Variants in CEP112 observed in about 807,000 individuals in gnomAD.
CEP112 encodes the protein centrosomal protein 112, also known as centrosomal protein of 112 kDa.
CEP112 carries 127 observed loss-of-function variants against 153.0 expected under a neutral mutation model. The observed-to-expected ratio is 0.83, with a 90% confidence interval of 0.72 to 0.96. CEP112 has a LOEUF of 0.96. Ranked by LOEUF, CEP112 falls within the 40% of genes least tolerant of loss-of-function variation. The probability of loss-of-function intolerance (pLI) is 0.00; values close to 1 mark genes in which losing one functional copy is unlikely to be tolerated. For synonymous variants in CEP112, 358 were observed against 374.4 expected, an observed-to-expected ratio of 0.96 and a Z score of 0.51; for missense variants, 1,089 against 1,101.2, an observed-to-expected ratio of 0.99 and a Z score of 0.16.
At chr17:65,808,951 CCCT>C (rs1204297034) in intron 21 of CEP112, among the ~76,000 whole-genome samples, 11 of 152,216 alleles carry the variant, frequency 7.2e-5, no homozygotes, top group Middle Eastern at 6.8e-3. Context: ...TTGAGTTTGG[CCCT>C]CCTCTTTTTC....
At chr17:65,854,233 A>G (rs965533038) in intron 20 of CEP112, among the ~76,000 whole-genome samples, 1 of 152,242 alleles carries the variant, frequency 6.6e-6, no homozygotes, top group Non-Finnish European at 1.5e-5. Context: ...GATGCTGGGA[A>G]TAAGAATACA....
At chr17:65,864,408 A>G (rs1014972901) in intron 20 of CEP112, among the ~76,000 whole-genome samples, 3 of 152,164 alleles carry the variant, frequency 2.0e-5, no homozygotes, top group African/African-American at 7.2e-5. Flanking sequence ...GAAGCAGTCC[A>G]AGCTCCTGAC....
At chr17:66,156,998 C>A (rs2071472286) in intron 4 of CEP112, among the ~76,000 whole-genome samples, 2 of 152,020 alleles carry the variant, frequency 1.3e-5, no homozygotes, top group Non-Finnish European at 2.9e-5. Context: ...GCAAGACAAA[C>A]CAATATTCAA....
At chr17:65,742,657 C>T (rs901523909) in intron 23 of CEP112, among the ~76,000 whole-genome samples, 6 of 152,050 alleles carry the variant, frequency 3.9e-5, no homozygotes, top group Admixed American at 3.3e-4. Context: ...GGTTATTTCT[C>T]ATTATGCGAA....
chr17:65,953,760 G>A (rs539166387), intron 18 of CEP112, among the ~76,000 whole-genome samples: 12 of 152,138 alleles, frequency 7.9e-5, no homozygotes, highest in African/African-American at 2.9e-4. Flanking sequence ...AACTCCACTC[G>A]ACTGGGAACC....
intron 23 of CEP112, among the ~76,000 whole-genome samples, chr17:65,728,266 G>C (rs2050295397): frequency 6.6e-6 from 1 of 152,190 alleles, no homozygotes; most frequent in Non-Finnish European, 1.5e-5. Context: ...ATTAGAAGTA[G>C]AAAAACACTG....
chr17:66,029,012 A>G, intron 14 of CEP112, 111 bp downstream of exon 14: 3 of 825,826 alleles, frequency 3.6e-6, no homozygotes, highest in Non-Finnish European at 5.5e-6. Flanking sequence ...TTAAGAATAA[A>G]GTGAAAGAGA....
intron 19 of CEP112, among the ~76,000 whole-genome samples, chr17:65,921,937 G>C (rs527911997): frequency 1.5e-4 from 23 of 152,090 alleles, no homozygotes; most frequent in African/African-American, 5.5e-4. Context: ...GTGGATAATA[G>C]GGGGTATAGA....
In CEP112 at chr17:65,712,864, G is replaced by A. The variant is rs188634713; in HGVS notation, c.2608-23646C>T. 2.3e-3 allele frequency among the ~76,000 whole-genome samples: 344 copies of A among 152,202 alleles called. 5 individuals are homozygous for A. Among genetic ancestry groups the A allele is most frequent in the African/African-American group, 7.8e-3 (324 of 41,550 alleles). ...AGAACCAAGTAAGGCAGAGAGCTGT[G>A]CTTATCGGCAGTGCAGAACTATAAT... On this transcript the variant is annotated intron_variant, in intron 23 of 26. Transcript: ENST00000535342.
At chr17:65,867,053 C>T (rs1459610873) in intron 20 of CEP112, among the ~76,000 whole-genome samples, 1 of 152,184 alleles carries the variant, frequency 6.6e-6, no homozygotes, top group African/African-American at 2.4e-5. Flanking sequence ...CTCAGGAGCT[C>T]CCCAAGCCAG....
chr17:66,161,738 G>A (rs1482277875), intron 4 of CEP112, among the ~76,000 whole-genome samples: 1 of 151,992 alleles, frequency 6.6e-6, no homozygotes, highest in East Asian at 1.9e-4. Flanking sequence ...TGTAGATTAT[G>A]GGTTGATGGG....
chr17:66,036,199 A>C (rs961018029), intron 12 of CEP112, among the ~76,000 whole-genome samples: 15 of 152,232 alleles, frequency 9.9e-5, no homozygotes, highest in African/African-American at 3.6e-4. Flanking sequence ...GATGATTGCC[A>C]GGGGCTAGAC....
intron 16 of CEP112, among the ~76,000 whole-genome samples, chr17:66,025,349 G>C (rs563586295): frequency 2.3e-4 from 35 of 152,202 alleles, no homozygotes; most frequent in African/African-American, 7.7e-4. Flanking sequence ...ACAACCGTAA[G>C]AATAGGAGAA....
At chr17:65,677,255 T>C (rs2047282379) in intron 24 of CEP112, among the ~76,000 whole-genome samples, 1 of 152,224 alleles carries the variant, frequency 6.6e-6, no homozygotes, top group Non-Finnish European at 1.5e-5. Flanking sequence ...TAGAAGTTCC[T>C]AGAGTATAAC....
intron 11 of CEP112, among the ~76,000 whole-genome samples, chr17:66,055,189 G>C (rs993877360): frequency 1.3e-5 from 2 of 152,136 alleles, no homozygotes; most frequent in Non-Finnish European, 2.9e-5. Context: ...GGAAGCTAGG[G>C]CAGAATGCAG....
intron 20 of CEP112, among the ~76,000 whole-genome samples, chr17:65,859,181 T>C (rs1362203718): frequency 6.6e-6 from 1 of 152,134 alleles, no homozygotes; most frequent in African/African-American, 2.4e-5. Context: ...CGGTGGCTTA[T>C]GCCTGTAGTC....
intron 24 of CEP112, among the ~76,000 whole-genome samples, chr17:65,685,191 T>C (rs1163705703): frequency 6.6e-6 from 1 of 152,192 alleles, no homozygotes; most frequent in African/African-American, 2.4e-5. Flanking sequence ...CCAAGGCATG[T>C]GGTGGACAGC....
chr17:65,644,342 A>G (rs2045315062), intron 24 of CEP112: 4 of 561,842 alleles, frequency 7.1e-6, no homozygotes, highest in South Asian at 5.9e-5. Context: ...GTGAAGCCCA[A>G]TGGTGAGAAG....
chr17:65,730,592 T>C (rs1436835402), intron 23 of CEP112, among the ~76,000 whole-genome samples: 1 of 152,186 alleles, frequency 6.6e-6, no homozygotes, highest in African/African-American at 2.4e-5. Context: ...AATTAAGTAA[T>C]GAACAGGTCC....
Sources: gnomAD v4.1 joint callset for allele counts (sites outside exome capture counted in the v4.1 genomes callset) on GRCh38, gnomAD v4.1.1 for gene constraint, MANE v1.5 for transcripts, NCBI Gene and HGNC (gene_info 2026-07-23, HGNC 2026-07-21) for gene names.